The following ADK variants were observed in gnomAD, a reference collection of about 807,000 sequenced individuals.
ADK encodes N6,N6-dimethyladenosine kinase.
A neutral mutation model predicts 44.7 loss-of-function variants in ADK; 24 were observed. That is an observed-to-expected ratio of 0.54 (90% CI 0.39 to 0.76). ADK has a LOEUF of 0.76. Among genes scored for constraint, ADK ranks in the 30% least tolerant of loss-of-function variants. The pLI is 0.00. For missense variants in ADK, 321 were observed against 425.1 expected, an observed-to-expected ratio of 0.76 and a Z score of 2.15; for synonymous variants, 128 against 142.6, an observed-to-expected ratio of 0.90 and a Z score of 0.73.
intron 7 of ADK, among the ~76,000 whole-genome samples, chr10:74,548,818 G>A (rs1455243177): frequency 1.3e-5 from 2 of 152,162 alleles, no homozygotes; most frequent in African/African-American, 2.4e-5. Context: ...ACGAGTAAAT[G>A]AATTTGCACT....
At chr10:74,302,182 G>A (rs553665640) in intron 3 of ADK, among the ~76,000 whole-genome samples, 7 of 125,530 alleles carry the variant, frequency 5.6e-5, no homozygotes, top group African/African-American at 2.1e-4. Context: ...AGGCTGGGGT[G>A]CAGTGGCGTG....
chr10:74,306,132 T>C (rs1840241130), intron 3 of ADK, among the ~76,000 whole-genome samples: 1 of 152,106 alleles, frequency 6.6e-6, no homozygotes, highest in African/African-American at 2.4e-5. Context: ...CTGAGTCTTT[T>C]TTCATTTTTT....
chr10:74,360,820 T>C (rs1362754306), intron 4 of ADK, among the ~76,000 whole-genome samples: 1 of 152,212 alleles, frequency 6.6e-6, no homozygotes, highest in Non-Finnish European at 1.5e-5. Context: ...ACTTTCAGCA[T>C]CTATGTGTCT....
At chr10:74,156,436 T>C (rs184311880) in intron 1 of ADK, among the ~76,000 whole-genome samples, 16 of 152,176 alleles carry the variant, frequency 1.1e-4, no homozygotes, top group African/African-American at 2.6e-4. Context: ...CTGGGCAACA[T>C]AGTGAGACCC....
rs952955298 is a variant in ADK at position 74,258,239 on chromosome 10, C to G, written c.194+33648C>G. 4.6e-5 allele frequency among the ~76,000 whole-genome samples: 7 copies of G among 152,130 alleles called. No individual in the cohort carries two copies. The East Asian group carries it at 1.3e-3, about 29-fold the overall frequency. ...TGCTTACATAAGTTGGCATCACTTA[C>G]TATAGTAAATGACCACTAATAGTGT... On this transcript the variant is annotated intron_variant, in intron 3 of 10. Coordinates refer to ENST00000539909, the MANE Select transcript of ADK (RefSeq NM_006721.4).
chr10:74,692,699 C>A (rs1351996867), intron 10 of ADK, among the ~76,000 whole-genome samples: 1 of 152,104 alleles, frequency 6.6e-6, no homozygotes, highest in African/African-American at 2.4e-5. Context: ...TTTTACTGTA[C>A]CTTTTCTATG....
intron 3 of ADK, among the ~76,000 whole-genome samples, chr10:74,307,106 C>T (rs928001894): frequency 6.6e-6 from 1 of 152,116 alleles, no homozygotes; most frequent in Non-Finnish European, 1.5e-5. Flanking sequence ...TCCCCCCAAA[C>T]CCCAGTGGAA....
At chr10:74,367,387 A>G (rs1842529138) in intron 4 of ADK, among the ~76,000 whole-genome samples, 1 of 152,206 alleles carries the variant, frequency 6.6e-6, no homozygotes, top group Non-Finnish European at 1.5e-5. Flanking sequence ...CCATAAGTCC[A>G]TGAAATTACA....
chr10:74,560,243 CT>C (rs1850408481), intron 7 of ADK, among the ~76,000 whole-genome samples: 1 of 152,062 alleles, frequency 6.6e-6, no homozygotes, highest in African/African-American at 2.4e-5. Flanking sequence ...ATTTTCGGTG[CT>C]TTTTTTGTAT....
chr10:74,632,751 AGG>A lies in ADK; in HGVS notation c.877+32261_877+32262del, dbSNP rs376919270. Among the ~76,000 whole-genome samples the A allele has an allele frequency of 6.4e-3, 975 of 152,284 alleles. 12 individuals are homozygous for A. The highest frequency in any genetic ancestry group is 0.022 in the African/African-American group (928 of 41,542). On this transcript the variant is annotated intron_variant, in intron 9 of 10. Transcript: ENST00000539909. ...TAAGGTTCCAGATGGACATGAATTC[AGG>A]GGCAACACTATTTAGCTTTCTACAT...
intron 1 of ADK, chr10:74,176,710 G>C: frequency 6.8e-7 from 1 of 1,471,746 alleles, no homozygotes; most frequent in Non-Finnish European, 9.0e-7. Context: ...TCAGCACGCC[G>C]GGCCGGCTAG....
intron 6 of ADK, among the ~76,000 whole-genome samples, chr10:74,442,627 C>CTGGAGAT (rs1389837339): frequency 6.6e-6 from 1 of 152,090 alleles, no homozygotes; most frequent in East Asian, 1.9e-4. Flanking sequence ...GCCTGGGCGA[C>CTGGAGAT]AGAGTGAGAC....
At chr10:74,495,883 C>T (rs1380548049) in intron 6 of ADK, among the ~76,000 whole-genome samples, 1 of 152,150 alleles carries the variant, frequency 6.6e-6, no homozygotes, top group Non-Finnish European at 1.5e-5. Context: ...GGTGAATCAG[C>T]TTGATTTTTG....
In ADK at chr10:74,326,495, A is replaced by C. The variant is rs183908246; in HGVS notation, c.273+11750A>C. On this transcript the variant is annotated intron_variant, in intron 4 of 10. Transcript: ENST00000539909. ...ACACCTGTAGTCTGAGCTACTTGGG[A>C]GGCCTCTTGGGAGGCTGAGGCAGGA... 3.4e-4 allele frequency among the ~76,000 whole-genome samples: 52 copies of C among 151,034 alleles called. No homozygotes were observed. The East Asian group carries it at 9.7e-3, about 28-fold the overall frequency.
At chr10:74,320,036 T>C (rs1840756542) in intron 4 of ADK, among the ~76,000 whole-genome samples, 1 of 152,216 alleles carries the variant, frequency 6.6e-6, no homozygotes. Flanking sequence ...TTATATTTAC[T>C]ATGTAGCTAC....
chr10:74,594,285 G>A (rs1851820012), intron 8 of ADK, among the ~76,000 whole-genome samples: 2 of 151,880 alleles, frequency 1.3e-5, no homozygotes, highest in Non-Finnish European at 2.9e-5. Flanking sequence ...GTATACCTCT[G>A]TAACAAAGCT....
At chr10:74,200,156 G>GTTTTTTTTTTTTT (rs760622376) in intron 1 of ADK, among the ~76,000 whole-genome samples, 2 of 99,274 alleles carry the variant, frequency 2.0e-5, no homozygotes, top group Non-Finnish European at 2.0e-5. Context: ...GACACCATCT[G>GTTTTTTTTTTTTT]TTTTTTTTTT....
intron 9 of ADK, among the ~76,000 whole-genome samples, chr10:74,602,975 C>A (rs1011743730): frequency 4.6e-5 from 7 of 152,122 alleles, no homozygotes; most frequent in African/African-American, 1.7e-4. Flanking sequence ...TGCAATCATT[C>A]GCCAGGCTCT....
At chr10:74,505,770 G>A (rs1278362833) in intron 6 of ADK, among the ~76,000 whole-genome samples, 2 of 151,958 alleles carry the variant, frequency 1.3e-5, no homozygotes, top group African/African-American at 4.8e-5. Flanking sequence ...CTTTTCTATA[G>A]ATTACCATGT....
Sources: gnomAD v4.1 joint callset for allele counts (sites outside exome capture counted in the v4.1 genomes callset) on GRCh38, gnomAD v4.1.1 for gene constraint, MANE v1.5 for transcripts, NCBI Gene and HGNC (gene_info 2026-07-23, HGNC 2026-07-21) for gene names.